Variants in XPO4 observed in about 807,000 individuals in gnomAD.
The protein encoded by XPO4 is exportin 4.
In XPO4, 39 loss-of-function variants were observed where a neutral mutation model predicts 143.0. That is an observed-to-expected ratio of 0.27 (90% CI 0.21 to 0.36). The LOEUF (loss-of-function observed/expected upper bound fraction) is 0.36. Among genes scored for constraint, XPO4 ranks in the 10% least tolerant of loss-of-function variants. The probability of loss-of-function intolerance (pLI) is 1.00; values close to 1 mark genes in which losing one functional copy is unlikely to be tolerated. For synonymous variants in XPO4, 439 were observed against 474.0 expected (o/e 0.93, Z 0.96); for missense variants, 907 against 1,348.0 (o/e 0.67, Z 5.12).
At chr13:20,804,473 C>T (rs2059478323) in intron 13 of XPO4, among the ~76,000 whole-genome samples, 2 of 152,056 alleles carry the variant, frequency 1.3e-5, no homozygotes, top group African/African-American at 4.8e-5. Context: ...TATAACATTG[C>T]TGCTTATGCT....
chr13:20,890,921 G>A (rs193044545), intron 1 of XPO4, among the ~76,000 whole-genome samples: 36 of 151,150 alleles, frequency 2.4e-4, no homozygotes, highest in African/African-American at 4.9e-4. Context: ...CAGCCTGACC[G>A]GACCAACATA....
At chr13:20,852,305 A>G in intron 4 of XPO4, 1 of 985,462 alleles carries the variant, frequency 1.0e-6, no homozygotes, top group Non-Finnish European at 1.2e-6. Flanking sequence ...AATCTAAAAT[A>G]TGAAGTGCAA....
chr13:20,789,771 T>C (rs1244790891), intron 19 of XPO4, among the ~76,000 whole-genome samples: 1 of 152,094 alleles, frequency 6.6e-6, no homozygotes, highest in Non-Finnish European at 1.5e-5. Flanking sequence ...TGCACACGCA[T>C]GCATGCATGC....
intron 16 of XPO4, among the ~76,000 whole-genome samples, chr13:20,798,757 C>T (rs1307505932): frequency 6.6e-6 from 1 of 151,252 alleles, no homozygotes; most frequent in African/African-American, 2.4e-5. Flanking sequence ...TGGCTGGTCA[C>T]ATCTGTAATC....
At chr13:20,787,407 G>T in intron 21 of XPO4, 74 bp downstream of exon 21, 1 of 1,358,908 alleles carries the variant, frequency 7.4e-7, no homozygotes, top group Non-Finnish European at 1.0e-6. Flanking sequence ...TTCCTCATTT[G>T]AATGCAGAAT....
In XPO4 at chr13:20,843,857, C is replaced by A. The variant is rs1055101727; in HGVS notation, c.486G>T (p.Ala162=). The A allele has an allele frequency of 1.9e-6, 3 of 1,612,994 alleles. No individual in the cohort carries two copies. Among genetic ancestry groups the A allele is most frequent in the Admixed American group, 1.7e-5 (1 of 59,972 alleles). The change falls in exon 5 of 23, where the codon GCG becomes GCT. Residue 162 remains alanine, a synonymous_variant. Transcript: ENST00000255305. ...TTGAACTTGAAAATTCACTCAATAG[C>A]GCAGTCAGAATAGAACAGGCCAGAG... is the stretch of plus-strand genomic sequence containing the variant. ...VQTLACSILT[A]LLSEFSSSSK...
chr13:20,859,361 T>G (rs2060175086), intron 3 of XPO4, among the ~76,000 whole-genome samples: 7 of 151,960 alleles, frequency 4.6e-5, no homozygotes, highest in Admixed American at 4.6e-4. Flanking sequence ...AGCACTTTGG[T>G]AGGCTGAAGC....
intron 1 of XPO4, 66 bp downstream of exon 1, chr13:20,902,604 G>A: frequency 1.3e-6 from 2 of 1,497,024 alleles, no homozygotes; most frequent in East Asian, 2.7e-5. Flanking sequence ...GAGCAGCAAG[G>A]CCTGGAGTGG....
At chr13:20,787,724 A>G in intron 20 of XPO4, 126 bp from the exon 21 acceptor site, 2 of 687,286 alleles carry the variant, frequency 2.9e-6, no homozygotes, top group South Asian at 2.0e-5. Flanking sequence ...AAGTAGACTC[A>G]TGGGCAATAT....
At chr13:20,888,683 T>G (rs1338617205) in intron 1 of XPO4, among the ~76,000 whole-genome samples, 3 of 151,938 alleles carry the variant, frequency 2.0e-5, no homozygotes, top group African/African-American at 4.8e-5. Flanking sequence ...AAGGTTTCAT[T>G]GAATACTGTT....
chr13:20,822,138 A>T lies in XPO4; in HGVS notation c.992T>A (p.Ile331Asn). The T allele has an allele frequency of 6.2e-7, 1 of 1,611,334 alleles. No homozygotes were observed. Among genetic ancestry groups the T allele is most frequent in the Non-Finnish European group, 8.5e-7 (1 of 1,178,790 alleles). ...AAAGGGCAAGTATACCTACCCATTG[A>T]TAGTATTCAGTAATCCCTCAATGAA... ...AHFIEGLLNT[I>N]NGIEIEDSEA... The change falls in exon 8 of 23, where the codon ATC (isoleucine) becomes AAC (asparagine). Residue 331 changes from isoleucine (I) to asparagine (N), a missense_variant. Physicochemically the swap from Ile to Asn is moderately radical, Grantham distance 149. Coordinates refer to ENST00000255305, the MANE Select transcript of XPO4 (RefSeq NM_022459.5).
Position 20,783,530 on chromosome 13 carries a change from A to G in XPO4, c.*192T>C, listed in dbSNP as rs2059164736. On this transcript the variant is annotated 3_prime_UTR_variant, in exon 23 of 23. Transcript: ENST00000255305. ...ACATATATATGACAGATTGTGGCTA[A>G]CACTTAACAGCAGAAGCTGATGCCA... 6.6e-6 allele frequency: 4 copies of G among 609,574 alleles called. No homozygotes were observed. The highest frequency in any genetic ancestry group is 1.2e-5 in the Non-Finnish European group (4 of 344,438). 37.8% of individuals were successfully genotyped at this position (609,574 alleles called of 1,614,324 possible). A position where few individuals can be genotyped will look rare whatever the true frequency, so the allele number is the denominator to read the frequency against.
Position 20,797,048 on chromosome 13 carries a change from G to A in XPO4, c.2332C>T (p.Pro778Ser), listed in dbSNP as rs1454776176. The change falls in exon 17 of 23, where the codon CCA becomes TCA. Residue 778 changes from proline to serine, a missense_variant. Physicochemically the swap from Pro to Ser is moderately conservative, Grantham distance 74 (BLOSUM62 -1). Coordinates refer to ENST00000255305, the MANE Select transcript of XPO4 (RefSeq NM_022459.5). ...KQQYWTEVLQ[P>S]LQQRFLRVIN... ...ACTCTTAAGAATCGCTGCTGAAGTG[G>A]CTGAAGAACCTATAAAAATAAACCA... 1.3e-6 allele frequency: 2 copies of A among 1,578,620 alleles called. No homozygotes were observed. Among genetic ancestry groups the A allele is most frequent in the Admixed American group, 3.8e-5 (2 of 52,994 alleles).
chr13:20,873,195 C>A (rs1422155645), intron 1 of XPO4, among the ~76,000 whole-genome samples: 1 of 152,010 alleles, frequency 6.6e-6, no homozygotes, highest in East Asian at 1.9e-4. Flanking sequence ...GGGTTTCTAG[C>A]CCCAACCCTC....
At chr13:20,809,048 AT>A in intron 11 of XPO4, 34 bp downstream of exon 11, 1 of 1,599,932 alleles carries the variant, frequency 6.3e-7, no homozygotes, top group Non-Finnish European at 8.5e-7. Context: ...AATAGAGAAT[AT>A]TTGCTCCATG....
chr13:20,788,042 GTTTTTTGT>G (rs1566554407), intron 20 of XPO4, among the ~76,000 whole-genome samples: 1 of 141,760 alleles, frequency 7.1e-6, no homozygotes, highest in Non-Finnish European at 1.5e-5. Context: ...AGAGGTGACA[GTTTTTTGT>G]TTTTTTGTTT....
In XPO4 at chr13:20,853,067, C is replaced by T. The variant is rs1466233232; in HGVS notation, c.456+2560G>A. On this transcript the variant is annotated intron_variant, in intron 4 of 22. Transcript: ENST00000255305. Reference sequence around the variant, plus strand: ...CTTCCCATGGCCAGCCGTGGTGGCTCACATCTGTAATCCCAGCATTTTGGA... The same window carrying T: ...CTTCCCATGGCCAGCCGTGGTGGCTTACATCTGTAATCCCAGCATTTTGGA... The T allele has an allele frequency of 1.1e-5, 11 of 984,562 alleles. No homozygotes were observed. The Admixed American group carries it at 6.8e-4, about 61-fold the overall frequency. The allele number at this position is 984,562 out of a possible 1,614,324, so 61.0% of individuals were successfully genotyped here.
chr13:20,786,403 A>C (rs1353761845), intron 22 of XPO4, among the ~76,000 whole-genome samples: 3 of 151,954 alleles, frequency 2.0e-5, no homozygotes, highest in Non-Finnish European at 4.4e-5. Flanking sequence ...AAACTGTTCA[A>C]TACGGTCCTT....
At chr13:20,825,537 C>A (rs532586877) in intron 7 of XPO4, among the ~76,000 whole-genome samples, 1 of 152,150 alleles carries the variant, frequency 6.6e-6, no homozygotes, top group Non-Finnish European at 1.5e-5. Context: ...AAGTTATTTG[C>A]GTGTGGTTGT....
Sources: gnomAD v4.1 joint callset for allele counts (sites outside exome capture counted in the v4.1 genomes callset) on GRCh38, gnomAD v4.1.1 for gene constraint, MANE v1.5 for transcripts, NCBI Gene and HGNC (gene_info 2026-07-23, HGNC 2026-07-21) for gene names.